TNRC18: variants seen among roughly 807,000 people sequenced by gnomAD.
TNRC18 encodes the protein trinucleotide repeat containing 18.
In TNRC18, 69 loss-of-function variants were observed where a neutral mutation model predicts 226.7. The ratio of observed to expected loss-of-function variants is 0.30; its 90% confidence interval spans 0.25 to 0.37. The LOEUF is 0.37. Among genes scored for constraint, TNRC18 ranks in the 10% least tolerant of loss-of-function variants. TNRC18 has a pLI of 1.00. For missense variants in TNRC18, 4,754 were observed against 4,256.6 expected, an observed-to-expected ratio of 1.12 and a Z score of -3.25; for synonymous variants, 2,449 against 1,927.6, an observed-to-expected ratio of 1.27 and a Z score of -7.09.
Position 5,377,312 on chromosome 7 carries a change from ACCC to A in TNRC18, c.2461+56_2461+58del. On this transcript the variant is annotated intron_variant, in intron 7 of 29. Transcript: ENST00000430969. The surrounding 1 kb of genome is among the most constrained non-coding windows in gnomAD (Gnocchi z 5.8). ...AGCCAGCCCTGAGCTCTTGTCCTGCACCCGCCCCCTCCCACCCCTCCCTCAGAG... is the reference window on the plus strand; with the variant it reads ...AGCCAGCCCTGAGCTCTTGTCCTGCAGCCCCCTCCCACCCCTCCCTCAGAG... The A allele has an allele frequency of 9.3e-6, 12 of 1,295,706 alleles. No homozygotes were observed. Among genetic ancestry groups the A allele is most frequent in the African/African-American group, 1.5e-5 (1 of 67,014 alleles). 80.3% of individuals were successfully genotyped at this position (1,295,706 alleles called of 1,614,324 possible).
Position 5,316,032 on chromosome 7 carries a change from C to T in TNRC18, c.6786G>A (p.Val2262=). The T allele has an allele frequency of 6.2e-7, 1 of 1,607,682 alleles. No individual in the cohort carries two copies. The highest frequency in any genetic ancestry group is 8.5e-7 in the Non-Finnish European group (1 of 1,177,158). ...TGCCCGTGTCTCCGTCGTCAAACTC[C>T]ACGGTGATCAAGTCCCCATCGTCCT... ...DLEDDGDLIT[V]EFDDGDTGRI... Residue 2262 remains valine, a synonymous_variant, in exon 25 of 30, where the codon GTG becomes GTA. Coordinates refer to ENST00000430969, the MANE Select transcript of TNRC18 (RefSeq NM_001080495.3).
intron 9 of TNRC18, among the ~76,000 whole-genome samples, chr7:5,375,330 A>C (rs1386323892): frequency 6.6e-6 from 1 of 151,814 alleles, no homozygotes; most frequent in Non-Finnish European, 1.5e-5. Context: ...AAAAACAAAC[A>C]AACAAACAAA....
chr7:5,362,229 T>C (rs1039638029), intron 12 of TNRC18, among the ~76,000 whole-genome samples, 196 bp from the exon 13 acceptor site: 4 of 152,156 alleles, frequency 2.6e-5, no homozygotes, highest in Admixed American at 1.3e-4. Flanking sequence ...TGCGGGGCTG[T>C]GGCAGTGCTC....
Position 5,313,563 on chromosome 7 carries a change from G to C in TNRC18, c.7328C>G (p.Ala2443Gly). The C allele has an allele frequency of 6.2e-7, 1 of 1,605,892 alleles. No homozygotes were observed. Among genetic ancestry groups the C allele is most frequent in the East Asian group, 2.2e-5 (1 of 44,626 alleles). The change falls in exon 27 of 30, where the codon GCC (alanine) becomes GGC (glycine). Residue 2443 changes from alanine (A) to glycine (G), a missense_variant. By Grantham distance (60) the Ala-to-Gly change is moderately conservative. Coordinates refer to ENST00000430969, the MANE Select transcript of TNRC18 (RefSeq NM_001080495.3). ...TRPKPKKARA[A>G]EESGAKGPRR... The stretch of plus-strand genomic sequence containing the variant: ...AGGGCCCTTGGCACCCGACTCCTCG[G>C]CTGCCCGCGCCTTCTTGGGCTTGGG...
At chr7:5,398,945 C>T (rs946144239) in intron 2 of TNRC18, among the ~76,000 whole-genome samples, 2 of 152,116 alleles carry the variant, frequency 1.3e-5, no homozygotes, top group African/African-American at 2.4e-5. Flanking sequence ...TTCCAATGTT[C>T]CCAGGGCCAA....
chr7:5,318,124 G>C (rs1473206263), intron 24 of TNRC18, among the ~76,000 whole-genome samples: 1 of 152,048 alleles, frequency 6.6e-6, no homozygotes, highest in African/African-American at 2.4e-5. Flanking sequence ...TGCCCACCTT[G>C]GCCTCCCAAA....
intron 19 of TNRC18, 180 bp from the exon 20 acceptor site, chr7:5,325,428 GTTTTT>G: frequency 2.1e-6 from 1 of 468,490 alleles, no homozygotes; most frequent in South Asian, 2.7e-5. Flanking sequence ...GTTTTTTTTT[GTTTTT>G]TTTTTTTTGA....
chr7:5,409,287 G>GA lies in TNRC18; in HGVS notation c.187+11772dup, dbSNP rs1562634335. ...TGCATGAAAGAAGAAAACGCCAGGG[G>GA]AAAAAAATACAATTAATATCCTAGT... On this transcript the variant is annotated intron_variant, in intron 2 of 29. Transcript: ENST00000430969. Among the ~76,000 whole-genome samples, 5 of 151,666 alleles carry GA rather than the reference G, an allele frequency of 3.3e-5. No individual in the cohort carries two copies. In the East Asian group the frequency reaches 5.8e-4, roughly 18 times the overall value.
At position 5,374,386 on chromosome 7, in the gene TNRC18, G is replaced by A. The variant is rs369944823; in HGVS notation, c.2898C>T (p.Ala966=). 4.1e-3 allele frequency: 6,196 copies of A among 1,513,418 alleles called. 16 individuals carry two copies. The highest frequency in any genetic ancestry group is 5.0e-3 in the Non-Finnish European group (5,619 of 1,131,988). 93.7% of individuals were successfully genotyped at this position (1,513,418 alleles called of 1,614,324 possible). Residue 966 remains alanine (A), a synonymous_variant, in exon 10 of 30, where the codon GCC becomes GCT. Transcript: ENST00000430969. ...GCTTCCGCGGCAGCAGCCCGGGGCCGGCGGTGGCCAGGCCAGCCTTGCCCG... is the reference window on the plus strand; with the variant it reads ...GCTTCCGCGGCAGCAGCCCGGGGCCAGCGGTGGCCAGGCCAGCCTTGCCCG... ...EAAGKAGLAT[A]GPGLLPRKPP...
At position 5,387,857 on chromosome 7, in the gene TNRC18, T is replaced by C; in HGVS notation, c.1967A>G (p.Glu656Gly). The change falls in exon 5 of 30, where the codon GAG becomes GGG. Residue 656 changes from glutamate to glycine, a missense_variant. Coordinates refer to ENST00000430969, the MANE Select transcript of TNRC18 (RefSeq NM_001080495.3). The part of the protein sequence containing the change: ...GGGRQLKRDP[E>G]RPESAKAFGR... ...GAAAGCTTTGGCGCTCTCGGGCCTC[T>C]CGGGGTCCCGCTTCAGCTGCCGGCC... 1.2e-6 allele frequency: 2 copies of C among 1,600,428 alleles called. No individual in the cohort carries two copies. The highest frequency in any genetic ancestry group is 1.7e-6 in the Non-Finnish European group (2 of 1,176,472).
At chr7:5,348,862 G>A (rs902974606) in intron 17 of TNRC18, among the ~76,000 whole-genome samples, 11 of 152,018 alleles carry the variant, frequency 7.2e-5, no homozygotes, top group African/African-American at 2.7e-4. Context: ...GGGCCACAGC[G>A]GCAAAGCAGG....
At chr7:5,320,473 A>G (rs1788235341) in intron 23 of TNRC18, 47 bp from the exon 24 acceptor site, 2 of 1,567,498 alleles carry the variant, frequency 1.3e-6, no homozygotes, top group Non-Finnish European at 1.7e-6. Flanking sequence ...AGTTATGGCC[A>G]TGGCCTTGGA....
chr7:5,348,624 G>A (rs1791453434), intron 17 of TNRC18, among the ~76,000 whole-genome samples: 1 of 143,452 alleles, frequency 7.0e-6, no homozygotes, highest in Non-Finnish European at 1.5e-5. Flanking sequence ...AAGGTGATGA[G>A]TCTGAGGAGT....
intron 18 of TNRC18, 40 bp downstream of exon 18, chr7:5,345,522 T>G: frequency 2.4e-5 from 4 of 170,132 alleles, no homozygotes; most frequent in African/African-American, 5.2e-5. Flanking sequence ...CGTCCGCCCC[T>G]CCCACCCACC....
chr7:5,381,830 G>A (rs1328437330), intron 5 of TNRC18, among the ~76,000 whole-genome samples: 2 of 152,108 alleles, frequency 1.3e-5, no homozygotes, highest in Non-Finnish European at 2.9e-5. Context: ...GCTGGGCACG[G>A]TGGCAGGTGC....
intron 5 of TNRC18, among the ~76,000 whole-genome samples, chr7:5,380,549 G>T (rs1779327802): frequency 6.6e-6 from 1 of 152,226 alleles, no homozygotes; most frequent in Admixed American, 6.5e-5. Flanking sequence ...GTGTACGGAG[G>T]GACAGCCGGG....
chr7:5,397,702 T>C (rs1182045521), intron 2 of TNRC18, among the ~76,000 whole-genome samples: 1 of 152,054 alleles, frequency 6.6e-6, no homozygotes, highest in African/African-American at 2.4e-5. Context: ...CCAGGCCTCC[T>C]AGAATGCTCC....
chr7:5,323,097 C>A (rs1242683317), intron 21 of TNRC18, among the ~76,000 whole-genome samples: 7 of 152,194 alleles, frequency 4.6e-5, no homozygotes, highest in Non-Finnish European at 8.8e-5. Context: ...CATGGCCACC[C>A]AGCAGCCCTA....
intron 11 of TNRC18, among the ~76,000 whole-genome samples, chr7:5,367,158 AG>A (rs948804334): frequency 1.6e-4 from 24 of 152,090 alleles, no homozygotes; most frequent in Non-Finnish European, 2.6e-4. Context: ...TGAGGCCAGG[AG>A]TTCAAGACCA....
Sources: gnomAD v4.1 joint callset for allele counts (sites outside exome capture counted in the v4.1 genomes callset) on GRCh38, gnomAD v4.1.1 for gene constraint, Gnocchi (gnomAD v3.1) non-coding constraint, MANE v1.5 for transcripts, NCBI Gene and HGNC (gene_info 2026-07-23, HGNC 2026-07-21) for gene names.